The following KCTD1 variants were observed in gnomAD, a reference collection of about 807,000 sequenced individuals.
KCTD1 encodes the protein BTB/POZ domain-containing protein KCTD1.
In KCTD1, 24 loss-of-function variants were observed where a neutral mutation model predicts 66.0. That is an observed-to-expected ratio of 0.36 (90% CI 0.26 to 0.51). The LOEUF is 0.51. Ranked by LOEUF, KCTD1 falls within the 20% of genes least tolerant of loss-of-function variation. KCTD1 has a pLI of 0.95. For missense variants in KCTD1, 943 were observed against 1,205.2 expected, an observed-to-expected ratio of 0.78 and a Z score of 3.22; for synonymous variants, 511 against 517.2, an observed-to-expected ratio of 0.99 and a Z score of 0.16.
chr18:26,485,205 G>T (rs1981852073), intron 2 of KCTD1, among the ~76,000 whole-genome samples: 1 of 152,186 alleles, frequency 6.6e-6, no homozygotes, highest in South Asian at 2.1e-4. Context: ...GTTCATCTGT[G>T]CAGGGCACAG....
At chr18:26,527,872 C>T (rs1480510786) in intron 1 of KCTD1, among the ~76,000 whole-genome samples, 1 of 83,754 alleles carries the variant, frequency 1.2e-5, no homozygotes, top group African/African-American at 4.2e-5. Flanking sequence ...TGTTTCAAAT[C>T]CAGTAATTTT....
chr18:26,531,149 A>AT (rs938894232), intron 1 of KCTD1, among the ~76,000 whole-genome samples: 29 of 152,234 alleles, frequency 1.9e-4, no homozygotes, highest in African/African-American at 3.1e-4. Flanking sequence ...TATAACCATT[A>AT]TTTTTTTGAA....
chr18:26,548,201 C>G lies in KCTD1; in HGVS notation c.336G>C (p.Gly112=). 2 of 1,506,972 alleles carry G rather than the reference C, an allele frequency of 1.3e-6. No individual in the cohort carries two copies. The highest frequency in any genetic ancestry group is 1.8e-6 in the Non-Finnish European group (2 of 1,131,526). The allele number at this position is 1,506,972 out of a possible 1,614,324, so 93.4% of individuals were successfully genotyped here. ...DEPLEPEDSA[G]EELEPEPVHM... ...GGACCGGCTCGGGCTCCAGCTCCTC[C>G]CCGGCCGAGTCCTCGGGCTCCAGGG... Residue 112 remains glycine (G), a synonymous_variant, in exon 1 of 5, where the codon GGG becomes GGC. Coordinates refer to ENST00000580059, the MANE Select transcript of KCTD1 (RefSeq NM_001142730.3).
chr18:26,637,946 C>T (rs544514281), intron 1 of KCTD1, among the ~76,000 whole-genome samples: 2 of 152,286 alleles, frequency 1.3e-5, no homozygotes, highest in African/African-American at 2.4e-5. Context: ...ATTTTTGTAA[C>T]GTTAGACCGT....
rs1287210363 is a variant in KCTD1 at position 26,476,967 on chromosome 18, G to A, written c.1989-308C>T. 3 of 232,532 alleles carry A rather than the reference G, an allele frequency of 1.3e-5. No individual in the cohort carries two copies. The highest frequency in any genetic ancestry group is 2.5e-5 in the Non-Finnish European group (3 of 122,096). 14.4% of individuals were successfully genotyped at this position (232,532 alleles called of 1,614,324 possible). On this transcript the variant is annotated intron_variant, in intron 2 of 4. Coordinates refer to ENST00000580059, the MANE Select transcript of KCTD1 (RefSeq NM_001142730.3). This position sits in a 1 kb window ranked among gnomAD's most constrained non-coding sequence, Gnocchi z 4.9. ...AATGGAAGATCACATCTTTCCCCGT[G>A]TTACTTAAAACAAGCATCCCTGATA...
At chr18:26,575,788 G>A (rs748343699) in intron 1 of KCTD1, among the ~76,000 whole-genome samples, 1 of 152,126 alleles carries the variant, frequency 6.6e-6, no homozygotes, top group Non-Finnish European at 1.5e-5. Context: ...GCGTGCTATC[G>A]TCCCTTACTC....
chr18:26,546,422 T>C (rs1598933085), intron 1 of KCTD1, among the ~76,000 whole-genome samples: 2 of 152,234 alleles, frequency 1.3e-5, no homozygotes, highest in African/African-American at 4.8e-5. Flanking sequence ...ATAAAACTCA[T>C]GCATTCAATG....
intron 1 of KCTD1, among the ~76,000 whole-genome samples, chr18:26,561,865 C>G (rs79940754): frequency 1.3e-5 from 2 of 152,134 alleles, no homozygotes; most frequent in Admixed American, 6.5e-5. Flanking sequence ...AGCCCAGTCC[C>G]GTGCTGGCGT....
In KCTD1 at chr18:26,456,071, G is replaced by A. The variant is rs1241269159; in HGVS notation, c.2440-170C>T. 10 of 604,486 alleles carry A rather than the reference G, an allele frequency of 1.7e-5. No homozygotes were observed. In the Middle Eastern group the frequency reaches 1.3e-3, roughly 77 times the overall value. The allele number at this position is 604,486 out of a possible 1,614,324, so 37.4% of individuals were successfully genotyped here. ...CCCTGGATTAATGGGCAGGAGAGAG[G>A]AAGCAAGCATTTCTAATGCCTAAAA... On this transcript the variant is annotated intron_variant, in intron 4 of 4. Transcript: ENST00000580059.
intron 4 of KCTD1, 22 bp downstream of exon 4, chr18:26,459,598 A>G (rs1053118327): frequency 6.5e-7 from 1 of 1,548,972 alleles, no homozygotes; most frequent in African/African-American, 1.4e-5. Flanking sequence ...TTGATGCCAC[A>G]CAGTGCGTAA....
Position 26,616,478 on chromosome 18 carries a change from T to TACAC in KCTD1, c.-16+12665_-16+12668dup, listed in dbSNP as rs34225468. 7.8e-3 allele frequency among the ~76,000 whole-genome samples: 1,167 copies of TACAC among 148,752 alleles called. 11 individuals are homozygous for TACAC. The highest frequency in any genetic ancestry group is 0.018 in the African/African-American group (731 of 40,258). ...CCTTACATACATATATATATATATATACACACACACATATATGTATACATA... is the reference window on the plus strand; with the variant it reads ...CCTTACATACATATATATATATATATACACACACACACACATATATGTATACATA... On this transcript the variant is annotated intron_variant, in intron 1 of 4. Transcript: ENST00000317932.
chr18:26,472,509 A>G (rs1464924117), intron 3 of KCTD1, among the ~76,000 whole-genome samples: 1 of 152,218 alleles, frequency 6.6e-6, no homozygotes, highest in Non-Finnish European at 1.5e-5. Flanking sequence ...ATACGGAACT[A>G]AAAGTGAAAT....
chr18:26,596,342 T>C (rs1986765401), intron 1 of KCTD1, among the ~76,000 whole-genome samples: 1 of 152,182 alleles, frequency 6.6e-6, no homozygotes, highest in Non-Finnish European at 1.5e-5. Context: ...AAGGTGATCA[T>C]CTACAAGACA....
At chr18:26,646,764 G>A (rs1191221863) in intron 1 of KCTD1, among the ~76,000 whole-genome samples, 2 of 152,088 alleles carry the variant, frequency 1.3e-5, no homozygotes, top group African/African-American at 4.8e-5. Context: ...CTAAAATATT[G>A]AGCTTTTTAA....
chr18:26,631,074 T>G (rs1378795494), upstream of KCTD1, among the ~76,000 whole-genome samples: 1 of 152,216 alleles, frequency 6.6e-6, no homozygotes, highest in Non-Finnish European at 1.5e-5. Context: ...CCACTGAAAC[T>G]TACCAAAATC....
At position 26,468,693 on chromosome 18, in the gene KCTD1, T is replaced by TGTGGCGTG. The variant is rs1313485973; in HGVS notation, c.2133+7814_2133+7821dup. On this transcript the variant is annotated intron_variant, in intron 3 of 4. Transcript: ENST00000580059. The surrounding 1 kb of genome is among the most constrained non-coding windows in gnomAD (Gnocchi z 4.8). ...CTAAAAATATAAAAATTAGTGTGCC[T>TGTGGCGTG]GTGGCGTGGTGGCGTGTGGTGGCGT... 6.6e-6 allele frequency among the ~76,000 whole-genome samples: 1 copy of TGTGGCGTG among 152,048 alleles called. No homozygotes were observed. The highest frequency in any genetic ancestry group is 1.5e-5 in the Non-Finnish European group (1 of 68,002).
chr18:26,644,939 C>T (rs1987904057), upstream of KCTD1, among the ~76,000 whole-genome samples: 2 of 152,154 alleles, frequency 1.3e-5, no homozygotes, highest in African/African-American at 4.8e-5. Flanking sequence ...AACAGCCAAC[C>T]TGTGTCCATG....
Position 26,546,965 on chromosome 18 carries a change from G to A in KCTD1, c.1572C>T (p.Pro524=). Residue 524 remains proline (P), a synonymous_variant, in exon 1 of 5, where the codon CCC becomes CCT. Coordinates refer to ENST00000580059, the MANE Select transcript of KCTD1 (RefSeq NM_001142730.3). ...YILPKDSQVG[P]DVKSEAAPKR... ...TGGGCGCAGCCTCGGATTTCACGTC[G>A]GGCCCGACCTGGCTGTCTTTGGGGA... is the stretch of plus-strand genomic sequence containing the variant. 2 of 1,474,824 alleles carry A rather than the reference G, an allele frequency of 1.4e-6. No individual in the cohort carries two copies. Among genetic ancestry groups the A allele is most frequent in the Non-Finnish European group, 1.8e-6 (2 of 1,108,718 alleles). 91.4% of individuals were successfully genotyped at this position (1,474,824 alleles called of 1,614,324 possible).
At chr18:26,463,926 A>G (rs1332701927) in intron 3 of KCTD1, among the ~76,000 whole-genome samples, 4 of 152,198 alleles carry the variant, frequency 2.6e-5, no homozygotes, top group Non-Finnish European at 4.4e-5. Flanking sequence ...GAGCTTCCCT[A>G]AGATCCTGAG....
Sources: gnomAD v4.1 joint callset for allele counts (sites outside exome capture counted in the v4.1 genomes callset) on GRCh38, gnomAD v4.1.1 for gene constraint, Gnocchi (gnomAD v3.1) non-coding constraint, MANE v1.5 for transcripts, NCBI Gene and HGNC (gene_info 2026-07-23, HGNC 2026-07-21) for gene names.